The following DNAI7 variants were observed in gnomAD, a reference collection of about 807,000 sequenced individuals.
DNAI7 encodes dynein axonemal intermediate chain 7.
DNAI7 carries 78 observed loss-of-function variants against 86.6 expected under a neutral mutation model. That is an observed-to-expected ratio of 0.90 (90% CI 0.75 to 1.09). The LOEUF (loss-of-function observed/expected upper bound fraction) is 1.09, where lower values mean the gene tolerates loss of function less well. DNAI7 is among the 50% of genes least tolerant of loss of function. The pLI, the probability that DNAI7 is intolerant of heterozygous loss-of-function variation, is 0.00. For missense variants in DNAI7, 753 were observed against 810.2 expected (o/e 0.93, Z 0.86); for synonymous variants, 274 against 273.0 (o/e 1.00, Z -0.04).
At chr12:25,151,443 G>A (rs1945530281) in intron 6 of DNAI7, among the ~76,000 whole-genome samples, 1 of 152,104 alleles carries the variant, frequency 6.6e-6, no homozygotes, top group Non-Finnish European at 1.5e-5. Context: ...TCCTATTGTT[G>A]TGATTACTCC....
chr12:25,119,146 T>C lies in DNAI7; in HGVS notation c.1395A>G (p.Glu465=). The stretch of plus-strand genomic sequence containing the variant: ...ATTACATAATTATAAAAGCTGTACC[T>C]TCAGCATCCCACCTTACAACCACAG... The part of the protein sequence containing the change: ...EDPVVVRWDA[E]GKHWRTDGIS... The change falls in exon 12 of 16, where the codon GAA becomes GAG. Residue 465 remains glutamate, a splice_region_variant and synonymous_variant. Transcript: ENST00000395987. The C allele has an allele frequency of 6.3e-7, 1 of 1,593,796 alleles. No individual in the cohort carries two copies. The highest frequency in any genetic ancestry group is 1.7e-4 in the Middle Eastern group (1 of 5,946).
At chr12:25,149,848 T>C in intron 6 of DNAI7, 74 bp from the exon 7 acceptor site, 1 of 898,232 alleles carries the variant, frequency 1.1e-6, no homozygotes. Context: ...GAATGTTTTA[T>C]CCCTTTTGAA....
At chr12:25,137,449 G>A (rs1236363412) in intron 9 of DNAI7, among the ~76,000 whole-genome samples, 2 of 151,624 alleles carry the variant, frequency 1.3e-5, no homozygotes, top group Non-Finnish European at 1.5e-5. Flanking sequence ...AATCTCACAG[G>A]GCCTATAAAA....
intron 9 of DNAI7, among the ~76,000 whole-genome samples, chr12:25,124,609 GAACTAA>G (rs1282832164): frequency 6.6e-6 from 1 of 152,106 alleles, no homozygotes; most frequent in Non-Finnish European, 1.5e-5. Context: ...TAGTAAGTTT[GAACTAA>G]ATTTTTTTTT....
chr12:25,169,576 G>A (rs1403978573), intron 2 of DNAI7, among the ~76,000 whole-genome samples: 4 of 152,190 alleles, frequency 2.6e-5, no homozygotes, highest in African/African-American at 4.8e-5. Context: ...GGCCAGGAGC[G>A]ATAGCTCATT....
chr12:25,174,511 T>TATATATATGATATATATATC (rs1948648105), intron 2 of DNAI7, among the ~76,000 whole-genome samples: 1 of 114,464 alleles, frequency 8.7e-6, no homozygotes, highest in African/African-American at 4.0e-5. Context: ...ATATATGGGA[T>TATATATATGATATATATATC]ATATATATCA....
Position 25,108,460 on chromosome 12 carries a change from TCA to T in DNAI7, c.*86_*87del, listed in dbSNP as rs1949406192. ...TTTTAATAGTTGATTTGAAATGTAT[TCA>T]TTCACTCATTACATTGTGTTGCAGA... On this transcript the variant is annotated 3_prime_UTR_variant, in exon 16 of 16. Coordinates refer to ENST00000395987, the MANE Select transcript of DNAI7 (RefSeq NM_018272.5). 8 of 1,074,638 alleles carry T rather than the reference TCA, an allele frequency of 7.4e-6. No individual in the cohort carries two copies. The highest frequency in any genetic ancestry group is 1.6e-5 in the African/African-American group (1 of 63,038). The allele number at this position is 1,074,638 out of a possible 1,614,324, so 66.6% of individuals were successfully genotyped here.
At chr12:25,183,100 A>ATGGATTATGT (rs1173378681) in intron 2 of DNAI7, among the ~76,000 whole-genome samples, 1 of 152,146 alleles carries the variant, frequency 6.6e-6, no homozygotes, top group East Asian at 1.9e-4. Flanking sequence ...CAACATGGAT[A>ATGGATTATGT]CAGTTGGAGG....
chr12:25,182,706 T>C (rs972789870), intron 2 of DNAI7, among the ~76,000 whole-genome samples: 5 of 151,340 alleles, frequency 3.3e-5, no homozygotes, highest in Non-Finnish European at 7.4e-5. Flanking sequence ...GAGGATCACC[T>C]GAGCCCCAAA....
At chr12:25,178,381 AT>A (rs1206705631) in intron 2 of DNAI7, among the ~76,000 whole-genome samples, 1 of 152,164 alleles carries the variant, frequency 6.6e-6, no homozygotes, top group African/African-American at 2.4e-5. Context: ...ATATATTGGC[AT>A]AAAAAGTTGC....
intron 3 of DNAI7, 134 bp from the exon 4 acceptor site, chr12:25,158,697 A>G (rs1210330661): frequency 4.0e-6 from 6 of 1,492,102 alleles, no homozygotes; most frequent in African/African-American, 1.4e-5. Flanking sequence ...TACATGGTAG[A>G]TATGAGAAAA....
chr12:25,152,248 G>C (rs574571032), intron 6 of DNAI7, among the ~76,000 whole-genome samples: 10 of 152,342 alleles, frequency 6.6e-5, no homozygotes, highest in Admixed American at 6.5e-4. Flanking sequence ...GAGGATGGCG[G>C]CTGATTGCCA....
chr12:25,189,001 T>C (rs534080225), intron 2 of DNAI7, among the ~76,000 whole-genome samples: 58 of 146,118 alleles, frequency 4.0e-4, no homozygotes, highest in African/African-American at 1.4e-3. Context: ...TCTAAAAGAA[T>C]ATCAGGTTGG....
chr12:25,194,212 C>G (rs1460014793), intron 1 of DNAI7, among the ~76,000 whole-genome samples: 1 of 152,198 alleles, frequency 6.6e-6, no homozygotes, highest in African/African-American at 2.4e-5. Context: ...CTTGTTTCCC[C>G]TCACTGAAAT....
intron 13 of DNAI7, among the ~76,000 whole-genome samples, chr12:25,112,207 T>A (rs2140344785): frequency 6.6e-6 from 1 of 152,308 alleles, no homozygotes; most frequent in East Asian, 1.9e-4. Context: ...CCTCCTATTT[T>A]AGAAATTGTA....
chr12:25,107,078 C>A, downstream of DNAI7: 2 of 1,299,516 alleles, frequency 1.5e-6, no homozygotes, highest in Non-Finnish European at 1.1e-6. Context: ...TAAATTCTAC[C>A]ATTTTAGTGG....
At chr12:25,156,380 T>C (rs776818071) in intron 4 of DNAI7, among the ~76,000 whole-genome samples, 33 of 152,198 alleles carry the variant, frequency 2.2e-4, no homozygotes, top group Non-Finnish European at 3.7e-4. Flanking sequence ...AATGACAAAA[T>C]TCAAGCTGTC....
intron 6 of DNAI7, among the ~76,000 whole-genome samples, chr12:25,153,263 A>C (rs956994136): frequency 1.3e-5 from 2 of 152,082 alleles, no homozygotes; most frequent in African/African-American, 4.8e-5. Flanking sequence ...TTCTACTAAA[A>C]ATACAAAAAT....
chr12:25,108,910 A>C (rs530468285), intron 15 of DNAI7, 87 bp from the exon 16 acceptor site: 1 of 799,946 alleles, frequency 1.3e-6, no homozygotes, highest in Non-Finnish European at 1.8e-6. Flanking sequence ...GAAGGGCTCA[A>C]TTTATCCCCC....
Sources: gnomAD v4.1 joint callset for allele counts (sites outside exome capture counted in the v4.1 genomes callset) on GRCh38, gnomAD v4.1.1 for gene constraint, MANE v1.5 for transcripts, NCBI Gene and HGNC (gene_info 2026-07-23, HGNC 2026-07-21) for gene names.